Variants in ADGRL2 observed in about 807,000 individuals in gnomAD.
The protein encoded by ADGRL2 is calcium-independent alpha-latrotoxin receptor 2.
In ADGRL2, 44 loss-of-function variants were observed where a neutral mutation model predicts 157.4. The ratio of observed to expected loss-of-function variants is 0.28; its 90% confidence interval spans 0.22 to 0.36. The LOEUF is 0.36. Ranked by LOEUF, ADGRL2 falls within the 10% of genes least tolerant of loss-of-function variation. The probability of loss-of-function intolerance (pLI) is 1.00; values close to 1 mark genes in which losing one functional copy is unlikely to be tolerated. For missense variants in ADGRL2, 1,510 were observed against 1,768.9 expected, an observed-to-expected ratio of 0.85 and a Z score of 2.63; for synonymous variants, 585 against 624.7, an observed-to-expected ratio of 0.94 and a Z score of 0.95.
chr1:81,558,539 T>A (rs2080366523), intron 2 of ADGRL2, among the ~76,000 whole-genome samples: 3 of 152,216 alleles, frequency 2.0e-5, no homozygotes, highest in South Asian at 4.1e-4. Flanking sequence ...ATGGGAGAAT[T>A]TGAGTGCAGA....
At chr1:81,961,627 C>A (rs1018458205) in intron 11 of ADGRL2, among the ~76,000 whole-genome samples, 1 of 151,560 alleles carries the variant, frequency 6.6e-6, no homozygotes, top group South Asian at 2.1e-4. Context: ...CCTGCCTCAG[C>A]CTCCTGAGTA....
At chr1:81,748,467 CA>C (rs973818702) in intron 1 of ADGRL2, among the ~76,000 whole-genome samples, 5,849 of 42,448 alleles carry the variant, frequency 0.14, 21 homozygotes, top group South Asian at 0.21. Flanking sequence ...GATTCCGTCT[CA>C]AAAAAAAAAA....
chr1:81,747,309 T>TATA (rs1557616880), intron 1 of ADGRL2, among the ~76,000 whole-genome samples: 11 of 143,920 alleles, frequency 7.6e-5, no homozygotes, highest in African/African-American at 2.6e-4. Flanking sequence ...ATATATATAT[T>TATA]TTTTTTTTTG....
At chr1:81,480,958 C>T (rs1466847077) in intron 2 of ADGRL2, among the ~76,000 whole-genome samples, 1 of 152,090 alleles carries the variant, frequency 6.6e-6, no homozygotes, top group African/African-American at 2.4e-5. Flanking sequence ...AGGGTTAGAT[C>T]ATAAGTATAT....
At chr1:81,894,501 T>A (rs1199260709) in intron 2 of ADGRL2, among the ~76,000 whole-genome samples, 1 of 152,192 alleles carries the variant, frequency 6.6e-6, no homozygotes, top group African/African-American at 2.4e-5. Flanking sequence ...GCTCTGTATA[T>A]CTTTTGGAAA....
chr1:81,769,082 C>A (rs1571146513), intron 2 of ADGRL2, among the ~76,000 whole-genome samples: 1 of 149,252 alleles, frequency 6.7e-6, no homozygotes, highest in Non-Finnish European at 1.5e-5. Context: ...GACTCCATCT[C>A]AAAAAAAAAA....
intron 2 of ADGRL2, among the ~76,000 whole-genome samples, chr1:81,495,635 G>A (rs766195072): frequency 6.6e-6 from 1 of 152,074 alleles, no homozygotes; most frequent in Non-Finnish European, 1.5e-5. Context: ...TTGATGAGCA[G>A]AAATCATTGA....
chr1:81,395,915 G>T (rs2076647301), intron 1 of ADGRL2, among the ~76,000 whole-genome samples: 1 of 152,132 alleles, frequency 6.6e-6, no homozygotes, highest in Non-Finnish European at 1.5e-5. Context: ...CTGTTTTTAT[G>T]CTAGTACCAT....
rs1251745815 is a variant in ADGRL2, at chr1:81,840,474, CTG to C, written c.73+3421_73+3422del. 2.0e-5 allele frequency among the ~76,000 whole-genome samples: 3 copies of C among 152,060 alleles called. No individual in the cohort carries two copies. The Admixed American group carries it at 2.0e-4, about 10-fold the overall frequency. ...ATTTCCAAATTCATAAGGACTTACT[CTG>C]TGTTCAGGCAAACATTATAAATGTC... is the stretch of plus-strand genomic sequence containing the variant. On this transcript the variant is annotated intron_variant, in intron 2 of 23. Transcript: ENST00000686636.
chr1:81,575,982 C>T (rs1475946895), intron 2 of ADGRL2, among the ~76,000 whole-genome samples: 3 of 152,144 alleles, frequency 2.0e-5, no homozygotes, highest in South Asian at 2.1e-4. Flanking sequence ...TTTATCTCAA[C>T]CCCTTTCCCT....
chr1:81,313,019 T>C (rs7513151), intron 1 of ADGRL2, among the ~76,000 whole-genome samples: 67,712 of 151,954 alleles, frequency 0.45, 15,477 homozygotes, highest in Middle Eastern at 0.55. Context: ...CTCAGCTTTA[T>C]AGTAAAGAAA....
intron 3 of ADGRL2, among the ~76,000 whole-genome samples, chr1:81,611,726 ACT>A (rs2081544734): frequency 1.3e-5 from 2 of 152,030 alleles, no homozygotes; most frequent in South Asian, 4.1e-4. Context: ...TTAATAAAAC[ACT>A]GTTTCCTAGG....
chr1:81,593,138 G>T (rs1490015334), intron 3 of ADGRL2, among the ~76,000 whole-genome samples: 1 of 152,096 alleles, frequency 6.6e-6, no homozygotes, highest in Non-Finnish European at 1.5e-5. Flanking sequence ...ACTTTTCTTA[G>T]CCCATTTGTC....
At chr1:81,820,229 C>T (rs542446840) in intron 1 of ADGRL2, among the ~76,000 whole-genome samples, 3 of 152,232 alleles carry the variant, frequency 2.0e-5, no homozygotes, top group East Asian at 1.9e-4. Flanking sequence ...TGCTTATCAT[C>T]GATTATAATG....
At chr1:81,441,602 G>T (rs1015902355) in intron 1 of ADGRL2, among the ~76,000 whole-genome samples, 1 of 152,114 alleles carries the variant, frequency 6.6e-6, no homozygotes, top group Non-Finnish European at 1.5e-5. Context: ...TTGGCTCACT[G>T]CAACCTCTGC....
chr1:81,468,576 T>C (rs1242263658), intron 2 of ADGRL2, among the ~76,000 whole-genome samples: 2 of 152,186 alleles, frequency 1.3e-5, no homozygotes, highest in African/African-American at 2.4e-5. Context: ...AACGTATTAT[T>C]TGAAGTCACC....
intron 11 of ADGRL2, among the ~76,000 whole-genome samples, chr1:81,962,736 G>T (rs756956772): frequency 2.0e-5 from 3 of 152,102 alleles, no homozygotes; most frequent in Non-Finnish European, 4.4e-5. Context: ...TGAATAACCA[G>T]TTCCTTGTTT....
chr1:81,687,596 A>T (rs1006506261), intron 3 of ADGRL2, among the ~76,000 whole-genome samples: 1 of 152,164 alleles, frequency 6.6e-6, no homozygotes, highest in South Asian at 2.1e-4. Flanking sequence ...CCATTCTGCA[A>T]TTCTGGATCT....
intron 1 of ADGRL2, among the ~76,000 whole-genome samples, chr1:81,416,618 A>G (rs1032128836): frequency 1.3e-5 from 2 of 152,194 alleles, no homozygotes; most frequent in African/African-American, 4.8e-5. Context: ...TCTTCATATA[A>G]TTGATAAAAT....
Sources: gnomAD v4.1 joint callset for allele counts (sites outside exome capture counted in the v4.1 genomes callset) on GRCh38, gnomAD v4.1.1 for gene constraint, MANE v1.5 for transcripts, NCBI Gene and HGNC (gene_info 2026-07-23, HGNC 2026-07-21) for gene names.